The following MUC5AC variants were observed in gnomAD, a reference collection of about 807,000 sequenced individuals.
MUC5AC encodes the protein mucin 5AC, oligomeric mucus/gel-forming.
MUC5AC carries 158 observed loss-of-function variants against 169.7 expected under a neutral mutation model. The observed-to-expected ratio is 0.93, with a 90% CI of 0.82 to 1.06. The LOEUF (loss-of-function observed/expected upper bound fraction) is 1.06, where lower values mean the gene tolerates loss of function less well. MUC5AC is among the 50% of genes least tolerant of loss of function. The pLI, the probability that MUC5AC is intolerant of heterozygous loss-of-function variation, is 0.00. For synonymous variants in MUC5AC, 1,975 were observed against 1,237.0 expected (o/e 1.60, Z -12.52); for missense variants, 4,359 against 3,089.9 (o/e 1.41, Z -9.74).
rs1861094468 is a variant in MUC5AC at position 1,191,459 on chromosome 11, A to T, written c.13314A>T (p.Gly4438=). The T allele has an allele frequency of 3.1e-5, 23 of 750,926 alleles. No individual in the cohort carries two copies. The highest frequency in any genetic ancestry group is 2.5e-4 in the South Asian group (18 of 73,116). 46.5% of individuals were successfully genotyped at this position (750,926 alleles called of 1,614,324 possible). The change falls in exon 31 of 49, where the codon GGA becomes GGT. Residue 4438 remains glycine, a synonymous_variant. Coordinates refer to ENST00000621226, the MANE Select transcript of MUC5AC (RefSeq NM_001304359.2). The part of the protein sequence containing the change: ...ASTASTTSGP[G]TTPSPVPTTS... ...CAGCCAGCACAACCTCTGGTCCTGG[A>T]ACTACTCCCAGCCCTGTTCCCACCA... is the stretch of plus-strand genomic sequence containing the variant.
intron 1 of MUC5AC, among the ~76,000 whole-genome samples, chr11:1,158,647 C>T (rs1027573972): frequency 1.3e-5 from 2 of 152,210 alleles, no homozygotes; most frequent in Admixed American, 6.5e-5. Context: ...GTCTGGACTG[C>T]CCCTTGCTGG....
At chr11:1,170,402 CACTCACCT>C (rs1860470093) in intron 15 of MUC5AC, among the ~76,000 whole-genome samples, 4 of 141,678 alleles carry the variant, frequency 2.8e-5, no homozygotes, top group Non-Finnish European at 4.7e-5. Flanking sequence ...CCCATTCACC[CACTCACCT>C]ACTCACCCAC....
chr11:1,197,629 G>A lies in MUC5AC; in HGVS notation c.16023G>A (p.Gln5341=), dbSNP rs375675402. The part of the protein sequence containing the change: ...AAPQAGQCCP[Q]YSCACNTSRC... ...CACAGGCCGGCCAGTGCTGCCCCCA[G>A]TACAGCTGCGGTAAGCCCTTTGCTG... The change falls in exon 41 of 49, where the codon CAG becomes CAA. Residue 5341 remains glutamine (Q), a synonymous_variant. Transcript: ENST00000621226. 18 of 716,728 alleles carry A rather than the reference G, an allele frequency of 2.5e-5. No homozygotes were observed. The highest frequency in any genetic ancestry group is 3.8e-5 in the Non-Finnish European group (15 of 392,272). The allele number at this position is 716,728 out of a possible 1,614,324, so 44.4% of individuals were successfully genotyped here. A position where few individuals can be genotyped will look rare whatever the true frequency, so the allele number is the denominator to read the frequency against.
At chr11:1,165,494 G>A (rs1035213682) in intron 10 of MUC5AC, 75 bp downstream of exon 10, 25 of 1,580,244 alleles carry the variant, frequency 1.6e-5, no homozygotes, top group East Asian at 4.5e-5. Flanking sequence ...AACCCAGGCC[G>A]GCAGGCTCCC....
Position 1,189,006 on chromosome 11 carries a change from C to T in MUC5AC, c.10861C>T (p.Pro3621Ser), listed in dbSNP as rs1861019360. The change falls in exon 31 of 49, where the codon CCC (proline) becomes TCC (serine). Residue 3621 changes from proline (P) to serine (S), a missense_variant. Pro to Ser is a moderately conservative substitution (Grantham distance 74). Transcript: ENST00000621226. Reference protein sequence around the residue: ...YEVRVLCCETPKGCPVTSTSV... With the variant: ...YEVRVLCCETSKGCPVTSTSV... The stretch of plus-strand genomic sequence containing the variant: ...GGTGCGTGTGCTTTGCTGCGAGACC[C>T]CCAAAGGCTGCCCCGTGACCTCCAC... 1.5e-6 allele frequency: 1 copy of T among 676,826 alleles called. No homozygotes were observed. The allele number at this position is 676,826 out of a possible 1,614,324, so 41.9% of individuals were successfully genotyped here. A position where few individuals can be genotyped will look rare whatever the true frequency, so the allele number is the denominator to read the frequency against.
intron 35 of MUC5AC, 89 bp downstream of exon 35, chr11:1,194,759 C>T (rs907154341): frequency 3.7e-5 from 24 of 647,804 alleles, no homozygotes; most frequent in South Asian, 1.2e-4. Context: ...CCGCGTGTGC[C>T]GGTGTCTCTG....
chr11:1,187,744 C>T lies in MUC5AC; in HGVS notation c.9599C>T (p.Ser3200Leu). The change falls in exon 31 of 49, where the codon TCA becomes TTA. Residue 3200 changes from serine (S) to leucine (L), a missense_variant. Ser to Leu is a moderately radical substitution (Grantham distance 145). Transcript: ENST00000621226. ...PVPTTSTASV[S>L]KTSTSHVSIS... ...CCCACCACCAGCACAGCCTCTGTTT[C>T]AAAGACCAGCACAAGCCATGTTTCC... is the stretch of plus-strand genomic sequence containing the variant. 1 of 765,060 alleles carries T rather than the reference C, an allele frequency of 1.3e-6. No homozygotes were observed. Among genetic ancestry groups the T allele is most frequent in the African/African-American group, 1.7e-5 (1 of 59,262 alleles). The allele number at this position is 765,060 out of a possible 1,614,324, so 47.4% of individuals were successfully genotyped here.
Position 1,165,693 on chromosome 11 carries a change from C to T in MUC5AC, c.1319C>T (p.Ala440Val). 6.2e-7 allele frequency: 1 copy of T among 1,612,488 alleles called. No homozygotes were observed. The highest frequency in any genetic ancestry group is 8.5e-7 in the Non-Finnish European group (1 of 1,179,764). Residue 440 changes from alanine to valine, a missense_variant, in exon 11 of 49, where the codon GCC becomes GTC. Ala to Val is a moderately conservative substitution (Grantham distance 64, BLOSUM62 0). Coordinates refer to ENST00000621226, the MANE Select transcript of MUC5AC (RefSeq NM_001304359.2). ...CPGTCSVLGG[A>V]HFSTFDGKQY... ...GGTACCTGCTCTGTGCTTGGAGGTG[C>T]CCACTTCTCAACGTTTGACGGGAAG...
At chr11:1,176,042 G>C in intron 19 of MUC5AC, 109 bp from the exon 20 acceptor site, 2 of 396,420 alleles carry the variant, frequency 5.0e-6, no homozygotes. Context: ...TCATGCACAC[G>C]CACCCACTCA....
intron 15 of MUC5AC, among the ~76,000 whole-genome samples, chr11:1,170,909 CT>C (rs1860493754): frequency 5.8e-5 from 8 of 138,976 alleles, no homozygotes; most frequent in Non-Finnish European, 6.2e-5. Flanking sequence ...CACCCACTCA[CT>C]CACCTCACTC....
In MUC5AC at chr11:1,182,852, C is replaced by T. The variant is rs1343216910; in HGVS notation, c.4707C>T (p.Pro1569=). ...GTSVVSSKPT[P]TEPSTSSCLQ... is the part of the protein sequence containing the mutation. Reference sequence around the variant, plus strand: ...CTGTGGTCTCCAGCAAGCCCACCCCCACGGAGCCCAGCACATCCTCCTGCC... The same window carrying T: ...CTGTGGTCTCCAGCAAGCCCACCCCTACGGAGCCCAGCACATCCTCCTGCC... Residue 1569 remains proline, a synonymous_variant, in exon 31 of 49, where the codon CCC becomes CCT. Transcript: ENST00000621226. The T allele has an allele frequency of 7.5e-6, 3 of 398,378 alleles. No homozygotes were observed. Among genetic ancestry groups the T allele is most frequent in the Non-Finnish European group, 1.3e-5 (3 of 226,064 alleles). The allele number at this position is 398,378 out of a possible 1,614,324, so 24.7% of individuals were successfully genotyped here. A position where few individuals can be genotyped will look rare whatever the true frequency, so the allele number is the denominator to read the frequency against.
intron 9 of MUC5AC, 26 bp from the exon 10 acceptor site, chr11:1,165,276 G>A (rs771972208): frequency 2.9e-5 from 46 of 1,599,922 alleles, no homozygotes; most frequent in Admixed American, 1.7e-4. Flanking sequence ...GCAGGCGCCC[G>A]TCATAGGCCT....
At chr11:1,200,381 T>A (rs1861393950) in intron 48 of MUC5AC, 57 bp from the exon 49 acceptor site, 1 of 634,772 alleles carries the variant, frequency 1.6e-6, no homozygotes, top group Non-Finnish European at 2.9e-6. Flanking sequence ...CGGCGCCGGC[T>A]TACGGCAGGA....
intron 6 of MUC5AC, 122 bp downstream of exon 6, chr11:1,163,167 C>A: frequency 1.1e-6 from 1 of 930,486 alleles, no homozygotes; most frequent in South Asian, 1.4e-5. Context: ...TGCAGCTGCC[C>A]TCCCTCCTAG....
In MUC5AC at chr11:1,173,623, C is replaced by G. The variant is rs1045122916; in HGVS notation, c.1966-873C>G. 1.1e-4 allele frequency among the ~76,000 whole-genome samples: 16 copies of G among 150,080 alleles called. 1 individual carries two copies. The highest frequency in any genetic ancestry group is 3.7e-4 in the African/African-American group (15 of 40,628). ...CACTCACTCACTCATCCACTCATTA[C>G]TCATCCACTCACTCATCCACTCACT... On this transcript the variant is annotated intron_variant, in intron 16 of 48. Transcript: ENST00000621226.
In MUC5AC at chr11:1,165,621, G is replaced by T; in HGVS notation, c.1248-1G>T. 2 of 1,611,828 alleles carry T rather than the reference G, an allele frequency of 1.2e-6. No homozygotes were observed. Among genetic ancestry groups the T allele is most frequent in the Admixed American group, 1.7e-5 (1 of 59,996 alleles). The stretch of plus-strand genomic sequence containing the variant: ...CACGTGGCACCATCTCTTGCTCTCA[G>T]CACCTGCTCCGGAGGCCGGTGGAGC... On this transcript the variant is annotated splice_acceptor_variant, in intron 10 of 48. Coordinates refer to ENST00000621226, the MANE Select transcript of MUC5AC (RefSeq NM_001304359.2). LOFTEE classifies it high-confidence loss of function.
In MUC5AC at chr11:1,200,579, C is replaced by T. The variant is rs774180550; in HGVS notation, c.16842C>T (p.Cys5614=). 2 of 764,606 alleles carry T rather than the reference C, an allele frequency of 2.6e-6. No individual in the cohort carries two copies. The highest frequency in any genetic ancestry group is 4.8e-6 in the Non-Finnish European group (2 of 417,604). The allele number at this position is 764,606 out of a possible 1,614,324, so 47.4% of individuals were successfully genotyped here. The change falls in exon 49 of 49, where the codon TGC becomes TGT. Residue 5614 remains cysteine (C), a synonymous_variant. Coordinates refer to ENST00000621226, the MANE Select transcript of MUC5AC (RefSeq NM_001304359.2). ...FSYTEVEECG[C]MGRRCPAPGD... Reference sequence around the variant, plus strand: ...ACACCGAGGTGGAAGAGTGCGGCTGCATGGGCCGGCGGTGCCCTGCGCCGG... The same window carrying T: ...ACACCGAGGTGGAAGAGTGCGGCTGTATGGGCCGGCGGTGCCCTGCGCCGG...
chr11:1,168,689 A>T lies in MUC5AC; in HGVS notation c.1615A>T (p.Thr539Ser), dbSNP rs772763876. The change falls in exon 14 of 49, where the codon ACC becomes TCC. Residue 539 changes from threonine (T) to serine (S), a missense_variant. Physicochemically the swap from Thr to Ser is moderately conservative, Grantham distance 58 (BLOSUM62 1). Transcript: ENST00000621226. ...CTCAACCTTCTTCATCATCGCCCAG[A>T]CCAGCCTGGGCCTGCAGCTGAACCT... ...RPSTFFIIAQ[T>S]SLGLQLNLQL... 7 of 1,611,014 alleles carry T rather than the reference A, an allele frequency of 4.3e-6. No individual in the cohort carries two copies. Among genetic ancestry groups the T allele is most frequent in the South Asian group, 3.3e-5 (3 of 91,040 alleles).
At position 1,177,076 on chromosome 11, in the gene MUC5AC, C is replaced by T. The variant is rs1358729182; in HGVS notation, c.2793+10C>T. On this transcript the variant is annotated intron_variant, in intron 22 of 48. Transcript: ENST00000621226. The stretch of plus-strand genomic sequence containing the variant: ...GTACACGCTGGTGCAGGTGAGCCGG[C>T]GCGTTTGGGGTCCTCACGGCGGCCC... The T allele has an allele frequency of 1.3e-5, 5 of 398,550 alleles. No individual in the cohort carries two copies. Among genetic ancestry groups the T allele is most frequent in the Admixed American group, 4.4e-5 (1 of 22,712 alleles). 24.7% of individuals were successfully genotyped at this position (398,550 alleles called of 1,614,324 possible).
Sources: gnomAD v4.1 joint callset for allele counts (sites outside exome capture counted in the v4.1 genomes callset) on GRCh38, gnomAD v4.1.1 for gene constraint, MANE v1.5 for transcripts, NCBI Gene and HGNC (gene_info 2026-07-23, HGNC 2026-07-21) for gene names.